TMEM132B: variants seen among roughly 807,000 people sequenced by gnomAD.
TMEM132B encodes transmembrane protein 132B.
TMEM132B carries 18 observed loss-of-function variants against 90.8 expected under a neutral mutation model. The ratio of observed to expected loss-of-function variants is 0.20; its 90% CI spans 0.14 to 0.29. The LOEUF (loss-of-function observed/expected upper bound fraction) is 0.29, where lower values mean the gene tolerates loss of function less well. Among genes scored for constraint, TMEM132B ranks in the 10% least tolerant of loss-of-function variants. TMEM132B has a pLI of 1.00. For missense variants in TMEM132B, 1,096 were observed against 1,326.8 expected (o/e 0.83, Z 2.70); for synonymous variants, 504 against 523.3 (o/e 0.96, Z 0.50).
intron 1 of TMEM132B, among the ~76,000 whole-genome samples, chr12:125,193,641 G>A (rs932236745): frequency 3.9e-5 from 6 of 152,224 alleles, no homozygotes; most frequent in South Asian, 2.1e-4. Context: ...GGGGTTCCAG[G>A]CAGAAGGCAT....
intron 4 of TMEM132B, among the ~76,000 whole-genome samples, chr12:125,561,983 G>T (rs1369689618): frequency 1.3e-5 from 2 of 152,178 alleles, no homozygotes; most frequent in Non-Finnish European, 2.9e-5. Context: ...AGCGATCCTA[G>T]ATAGTATCTT....
chr12:125,219,857 C>G (rs1289691815), intron 1 of TMEM132B, among the ~76,000 whole-genome samples: 1 of 152,244 alleles, frequency 6.6e-6, no homozygotes, highest in Non-Finnish European at 1.5e-5. Flanking sequence ...CACTGTTTCC[C>G]CCAGGGGTCC....
chr12:125,566,523 C>G (rs1461405904), intron 4 of TMEM132B, among the ~76,000 whole-genome samples: 1 of 152,220 alleles, frequency 6.6e-6, no homozygotes, highest in Admixed American at 6.5e-5. Context: ...CCAAGTCTCA[C>G]CAGGAAGCCT....
At chr12:125,193,488 C>T (rs978640809) in intron 1 of TMEM132B, among the ~76,000 whole-genome samples, 9 of 152,158 alleles carry the variant, frequency 5.9e-5, no homozygotes, top group Admixed American at 2.0e-4. Flanking sequence ...ACAGGAAAAT[C>T]CCAGACATTA....
At chr12:125,242,030 G>C (rs1874081719) in intron 1 of TMEM132B, among the ~76,000 whole-genome samples, 1 of 152,204 alleles carries the variant, frequency 6.6e-6, no homozygotes, top group Non-Finnish European at 1.5e-5. Flanking sequence ...TGAATGAATA[G>C]AATAACAACG....
intron 3 of TMEM132B, among the ~76,000 whole-genome samples, chr12:125,416,469 C>G (rs1310245086): frequency 6.6e-6 from 1 of 152,256 alleles, no homozygotes; most frequent in Non-Finnish European, 1.5e-5. Context: ...TGCTTATCAC[C>G]ATATATTGTC....
intron 1 of TMEM132B, among the ~76,000 whole-genome samples, chr12:125,243,585 C>T (rs1565982483): frequency 6.6e-6 from 1 of 152,178 alleles, no homozygotes; most frequent in Non-Finnish European, 1.5e-5. Context: ...GGACTACAGG[C>T]GTGAGCCACT....
At chr12:125,435,142 A>G (rs58157413) in intron 3 of TMEM132B, among the ~76,000 whole-genome samples, 2,797 of 152,240 alleles carry the variant, frequency 0.018, 89 homozygotes, top group African/African-American at 0.064. Context: ...ATCTTGCTCA[A>G]GGTGTTCCTT....
At chr12:125,582,367 G>A (rs1399192049) in intron 4 of TMEM132B, among the ~76,000 whole-genome samples, 1 of 151,864 alleles carries the variant, frequency 6.6e-6, no homozygotes, top group Non-Finnish European at 1.5e-5. Flanking sequence ...TTGGAATAGA[G>A]AGTGCGGGGC....
At chr12:125,643,974 TA>T in intron 5 of TMEM132B, 101 bp from the exon 6 acceptor site, 1 of 1,041,840 alleles carries the variant, frequency 9.6e-7, no homozygotes, top group Non-Finnish European at 1.4e-6. Flanking sequence ...TTTTGGTGTC[TA>T]ATAAATCAGA....
chr12:125,233,220 A>AGAAAACCAAAATAATAAGGGATTATAC (rs1399330123), intron 1 of TMEM132B, among the ~76,000 whole-genome samples: 32 of 152,382 alleles, frequency 2.1e-4, no homozygotes, highest in Middle Eastern at 3.4e-3. Context: ...TGTGTAGCAG[A>AGAAAACCAAAATAATAAGGGATTATAC]GAAAACCAAA....
intron 1 of TMEM132B, among the ~76,000 whole-genome samples, chr12:125,189,706 G>T (rs1314899149): frequency 6.6e-6 from 1 of 152,018 alleles, no homozygotes; most frequent in Non-Finnish European, 1.5e-5. Flanking sequence ...GGGGAGGCGT[G>T]GGGCTTCTGC....
chr12:125,350,329 C>A lies in TMEM132B; in HGVS notation c.945C>A (p.Asp315Glu), dbSNP rs929598008. Residue 315 changes from aspartate (D) to glutamate (E), a missense_variant, in exon 2 of 9, where the codon GAC becomes GAA. Asp to Glu is a conservative substitution (Grantham distance 45, BLOSUM62 2). Coordinates refer to ENST00000682704, the MANE Select transcript of TMEM132B (RefSeq NM_001366854.1). ...CTCTGACCAGTAGCTCTGTGGCAGA[C>A]CAGTTCACTCTTAGGTAAGAGGCTT... ...LVSLTSSSVA[D>E]QFTLRIKAAA... 1 of 1,612,282 alleles carries A rather than the reference C, an allele frequency of 6.2e-7. No individual in the cohort carries two copies. Among genetic ancestry groups the A allele is most frequent in the African/African-American group, 1.3e-5 (1 of 74,908 alleles).
intron 1 of TMEM132B, among the ~76,000 whole-genome samples, chr12:125,283,730 T>C (rs576347104): frequency 6.6e-6 from 1 of 152,352 alleles, no homozygotes; most frequent in African/African-American, 2.4e-5. Flanking sequence ...GGCAGATGCA[T>C]TCCAGTGCAT....
intron 1 of TMEM132B, among the ~76,000 whole-genome samples, chr12:125,284,201 A>C (rs1413537716): frequency 6.6e-6 from 1 of 152,200 alleles, no homozygotes; most frequent in Non-Finnish European, 1.5e-5. Flanking sequence ...CTCAAAATTC[A>C]AAAGGGATAC....
intron 3 of TMEM132B, among the ~76,000 whole-genome samples, chr12:125,417,936 C>A (rs1880063030): frequency 6.6e-6 from 1 of 152,178 alleles, no homozygotes; most frequent in Non-Finnish European, 1.5e-5. Flanking sequence ...AATGGAAGAG[C>A]TTGGGCAGAG....
Position 125,201,755 on chromosome 12 carries a change from T to C in TMEM132B, c.67+14889T>C, listed in dbSNP as rs554070075. 3.3e-5 allele frequency among the ~76,000 whole-genome samples: 5 copies of C among 152,328 alleles called. No homozygotes were observed. In the South Asian group the frequency reaches 6.2e-4, roughly 19 times the overall value. Reference sequence around the variant, plus strand: ...GATGTTGTGAGGATTAAGGGAGATATTGTGTAAGAAAAACTTAACGTAGTT... The same window carrying C: ...GATGTTGTGAGGATTAAGGGAGATACTGTGTAAGAAAAACTTAACGTAGTT... On this transcript the variant is annotated intron_variant, in intron 1 of 8. Coordinates refer to ENST00000682704, the MANE Select transcript of TMEM132B (RefSeq NM_001366854.1).
intron 3 of TMEM132B, among the ~76,000 whole-genome samples, chr12:125,419,269 T>C (rs1880106855): frequency 6.6e-6 from 1 of 152,216 alleles, no homozygotes; most frequent in Non-Finnish European, 1.5e-5. Context: ...GGGTACTGTA[T>C]TAGTCTGTTC....
At chr12:125,641,772 G>A (rs1307884207) in intron 5 of TMEM132B, among the ~76,000 whole-genome samples, 1 of 151,746 alleles carries the variant, frequency 6.6e-6, no homozygotes, top group Non-Finnish European at 1.5e-5. Context: ...TCTCCAGTGG[G>A]ATGTGATTCA....
Sources: gnomAD v4.1 joint callset for allele counts (sites outside exome capture counted in the v4.1 genomes callset) on GRCh38, gnomAD v4.1.1 for gene constraint, MANE v1.5 for transcripts, NCBI Gene and HGNC (gene_info 2026-07-23, HGNC 2026-07-21) for gene names.